WWOX: variants seen among roughly 807,000 people sequenced by gnomAD.
WWOX encodes the protein WW domain-containing oxidoreductase.
Under a neutral mutation model 46.2 loss-of-function variants are expected in WWOX, and 69 were observed. That is an observed-to-expected ratio of 1.49 (90% CI 1.23 to 1.82). The LOEUF (loss-of-function observed/expected upper bound fraction) is 1.82, where lower values mean the gene tolerates loss of function less well. Among genes scored for constraint, WWOX ranks in the 40% most tolerant of loss-of-function variants. WWOX has a pLI of 0.00. For missense variants in WWOX, 919 were observed against 542.6 expected, an observed-to-expected ratio of 1.69 and a Z score of -6.89; for synonymous variants, 359 against 202.6, an observed-to-expected ratio of 1.77 and a Z score of -6.56.
chr16:78,519,619 G>A (rs1002008993), intron 8 of WWOX, among the ~76,000 whole-genome samples: 1 of 152,006 alleles, frequency 6.6e-6, no homozygotes, highest in Non-Finnish European at 1.5e-5. Flanking sequence ...AGGTCGTGAC[G>A]GTACTACAAA....
Position 78,440,203 on chromosome 16 carries a change from C to G in WWOX, c.1056+7451C>G, listed in dbSNP as rs549936676. Among the ~76,000 whole-genome samples, 3 of 152,228 alleles carry G rather than the reference C, an allele frequency of 2.0e-5. No individual in the cohort carries two copies. The East Asian group carries it at 5.8e-4, about 29-fold the overall frequency. ...CTCATTAATCAAATGGAAATGCTAT[C>G]GATTTTATAGGATCGTTGTGAGAAG... is the stretch of plus-strand genomic sequence containing the variant. On this transcript the variant is annotated intron_variant, in intron 8 of 8. Transcript: ENST00000566780.
At chr16:79,090,048 T>A (rs904416760) in intron 8 of WWOX, 10 of 152,142 alleles carry the variant, frequency 6.6e-5, no homozygotes, top group South Asian at 2.1e-4. Context: ...GAGGCTGTTT[T>A]CAGTATGCTC....
intron 8 of WWOX, among the ~76,000 whole-genome samples, chr16:78,690,051 C>T (rs1007427582): frequency 4.6e-5 from 7 of 151,808 alleles, no homozygotes; most frequent in Non-Finnish European, 7.4e-5. Flanking sequence ...AGTAGAGATG[C>T]GGTTTCACCA....
intron 7 of WWOX, among the ~76,000 whole-genome samples, chr16:78,430,874 TTTC>T (rs2083201500): frequency 6.6e-6 from 1 of 152,212 alleles, no homozygotes; most frequent in African/African-American, 2.4e-5. Context: ...TTGCCATGCT[TTTC>T]TTGGTCTTAG....
chr16:79,131,408 G>A (rs902794292), intron 8 of WWOX, among the ~76,000 whole-genome samples: 1 of 151,880 alleles, frequency 6.6e-6, no homozygotes, highest in Non-Finnish European at 1.5e-5. Flanking sequence ...CTGATTCGGA[G>A]GGAAAAAAAA....
At chr16:79,210,487 C>A (rs1403668032) in intron 8 of WWOX, among the ~76,000 whole-genome samples, 4 of 152,098 alleles carry the variant, frequency 2.6e-5, no homozygotes, top group East Asian at 3.9e-4. Context: ...CCATTTCCCC[C>A]ACAATCAAAG....
At position 79,212,560 on chromosome 16, in the gene WWOX, C is replaced by T. The variant is rs184137904; in HGVS notation, c.*764C>T. On this transcript the variant is annotated 3_prime_UTR_variant, in exon 9 of 9. Transcript: ENST00000566780. ...GGCAGAGAATAAAACGTTAGTTAAT[C>T]CCTTTGTCTGTCAATCACAGTCTCA... The T allele has an allele frequency of 5.0e-4, 84 of 166,608 alleles. No homozygotes were observed. The Middle Eastern group carries it at 0.013, about 25-fold the overall frequency. 10.3% of individuals were successfully genotyped at this position (166,608 alleles called of 1,614,324 possible).
chr16:79,188,359 T>A (rs772411035), intron 8 of WWOX, among the ~76,000 whole-genome samples: 1 of 150,258 alleles, frequency 6.7e-6, no homozygotes, highest in Non-Finnish European at 1.5e-5. Flanking sequence ...CCAAGACCTA[T>A]TTCCCTTGCA....
chr16:78,611,936 T>C (rs1418298403), intron 8 of WWOX, among the ~76,000 whole-genome samples: 1 of 152,136 alleles, frequency 6.6e-6, no homozygotes, highest in Non-Finnish European at 1.5e-5. Context: ...CAATGAGCTA[T>C]AGGAAGGGTA....
intron 8 of WWOX, among the ~76,000 whole-genome samples, chr16:78,820,428 C>T (rs113898616): frequency 2.6e-4 from 39 of 152,238 alleles, no homozygotes; most frequent in African/African-American, 8.7e-4. Flanking sequence ...ATTCCTAATT[C>T]ATTTTCCCAT....
intron 6 of WWOX, among the ~76,000 whole-genome samples, chr16:78,400,747 C>T (rs1018581574): frequency 6.6e-6 from 1 of 152,128 alleles, no homozygotes; most frequent in Non-Finnish European, 1.5e-5. Flanking sequence ...TAAAGCAAAT[C>T]CAAGAGATCA....
intron 8 of WWOX, among the ~76,000 whole-genome samples, chr16:78,639,898 T>C (rs140331907): frequency 3.3e-5 from 5 of 151,936 alleles, no homozygotes; most frequent in African/African-American, 4.8e-5. Flanking sequence ...TGAAGAGTAA[T>C]AGGAAGATAG....
chr16:78,332,753 G>A (rs1398611017), intron 5 of WWOX, among the ~76,000 whole-genome samples: 1 of 152,026 alleles, frequency 6.6e-6, no homozygotes. Context: ...TGTGCCTTTT[G>A]CTCTGTTAAG....
intron 5 of WWOX, among the ~76,000 whole-genome samples, chr16:78,210,534 C>G (rs991747113): frequency 6.6e-6 from 1 of 152,170 alleles, no homozygotes; most frequent in African/African-American, 2.4e-5. Flanking sequence ...CTCTGTCTCT[C>G]TCTCTTTCTC....
At chr16:79,203,207 C>T (rs1012669680) in intron 8 of WWOX, 1 of 152,178 alleles carries the variant, frequency 6.6e-6, no homozygotes, top group African/African-American at 2.4e-5. Context: ...AAGCTATCAC[C>T]ATTAATTATG....
chr16:79,025,894 G>C (rs1343033286), intron 8 of WWOX, among the ~76,000 whole-genome samples: 1 of 143,042 alleles, frequency 7.0e-6, no homozygotes, highest in African/African-American at 2.7e-5. Flanking sequence ...CGCCTCCTGG[G>C]TTCAAGTGAT....
chr16:78,157,280 G>C (rs2034638482), intron 4 of WWOX, among the ~76,000 whole-genome samples: 1 of 152,112 alleles, frequency 6.6e-6, no homozygotes, highest in South Asian at 2.1e-4. Flanking sequence ...CTGATTGATG[G>C]GGCAGATCAG....
intron 8 of WWOX, among the ~76,000 whole-genome samples, chr16:78,667,469 G>C (rs1029152963): frequency 1.3e-5 from 2 of 151,934 alleles, no homozygotes; most frequent in Non-Finnish European, 2.9e-5. Context: ...AGGAGTTCAA[G>C]ACCATCCTGG....
At chr16:78,830,426 C>T (rs1255326609) in intron 8 of WWOX, among the ~76,000 whole-genome samples, 1 of 152,022 alleles carries the variant, frequency 6.6e-6, no homozygotes, top group African/African-American at 2.4e-5. Flanking sequence ...GCTCTCCCCT[C>T]CCCCACTTTT....
Sources: allele counts gnomAD v4.1 joint callset (sites outside exome capture counted in the v4.1 genomes callset), GRCh38; gene constraint gnomAD v4.1.1; transcripts MANE v1.5; gene names NCBI Gene and HGNC (gene_info 2026-07-23, HGNC 2026-07-21).